Variants in ADK observed in about 807,000 individuals in gnomAD.
ADK encodes the protein adenosine kinase.
ADK carries 24 observed loss-of-function variants against 44.7 expected under a neutral mutation model. The ratio of observed to expected loss-of-function variants is 0.54; its 90% CI spans 0.39 to 0.76. ADK has a LOEUF of 0.76. Among genes scored for constraint, ADK ranks in the 30% least tolerant of loss-of-function variants. The pLI is 0.00. For missense variants in ADK, 321 were observed against 425.1 expected (o/e 0.76, Z 2.15); for synonymous variants, 128 against 142.6 (o/e 0.90, Z 0.73).
chr10:74,260,901 G>A (rs1846014533), intron 3 of ADK, among the ~76,000 whole-genome samples: 1 of 152,180 alleles, frequency 6.6e-6, no homozygotes, highest in Non-Finnish European at 1.5e-5. Flanking sequence ...TTCTCCAGAA[G>A]CGGCAACTTA....
At chr10:74,305,178 A>G (rs893543948) in intron 3 of ADK, among the ~76,000 whole-genome samples, 2 of 152,202 alleles carry the variant, frequency 1.3e-5, no homozygotes, top group African/African-American at 4.8e-5. Flanking sequence ...TGTTCAGTAC[A>G]TATTTTTCCA....
intron 1 of ADK, among the ~76,000 whole-genome samples, chr10:74,200,537 T>C (rs973805042): frequency 5.9e-5 from 9 of 151,960 alleles, no homozygotes; most frequent in Admixed American, 3.9e-4. Flanking sequence ...TGGTGTCTCA[T>C]TGTAGTTTTG....
chr10:74,461,871 A>G (rs928394225), intron 6 of ADK, among the ~76,000 whole-genome samples: 12 of 152,026 alleles, frequency 7.9e-5, no homozygotes, highest in African/African-American at 2.9e-4. Context: ...GTGCTATGTT[A>G]TGGCCAGTTA....
chr10:74,401,235 C>T (rs1264583126), intron 6 of ADK, among the ~76,000 whole-genome samples: 1 of 152,104 alleles, frequency 6.6e-6, no homozygotes, highest in African/African-American at 2.4e-5. Flanking sequence ...TGTTTTTTCT[C>T]ACTTAAGAAA....
At chr10:74,246,534 G>T (rs1845422232) in intron 3 of ADK, among the ~76,000 whole-genome samples, 1 of 152,126 alleles carries the variant, frequency 6.6e-6, no homozygotes, top group Non-Finnish European at 1.5e-5. Context: ...TAGAAAGACT[G>T]GTTAATATCA....
In ADK at chr10:74,505,328, C is replaced by A. The variant is rs553784874; in HGVS notation, c.556-19928C>A. On this transcript the variant is annotated intron_variant, in intron 6 of 10. Transcript: ENST00000539909. ...AGTCTTTTGAATAACTGGAATCATT[C>A]TGTTATATGGTCTAATATGAATTTG... 2.0e-5 allele frequency among the ~76,000 whole-genome samples: 3 copies of A among 152,228 alleles called. No individual in the cohort carries two copies. The South Asian group carries it at 6.3e-4, about 32-fold the overall frequency.
At chr10:74,553,808 A>G (rs1564789002) in intron 7 of ADK, among the ~76,000 whole-genome samples, 1 of 152,144 alleles carries the variant, frequency 6.6e-6, no homozygotes, top group Non-Finnish European at 1.5e-5. Context: ...ATCGTATTTT[A>G]TGTGATCATA....
intron 3 of ADK, among the ~76,000 whole-genome samples, chr10:74,272,606 A>G (rs1457850741): frequency 6.6e-6 from 1 of 152,196 alleles, no homozygotes; most frequent in Non-Finnish European, 1.5e-5. Flanking sequence ...TTATAAATTA[A>G]AGGATAGTAT....
rs981399176 is a variant in ADK at position 74,371,924 on chromosome 10, CCA to C, written c.274-22215_274-22214del. On this transcript the variant is annotated intron_variant, in intron 4 of 10. Transcript: ENST00000539909. ...TTGTGGTTACTGACCCCAGGGCTGA[CCA>C]CCAGCCTCTCACAGAGGCATCTTAC... The C allele has an allele frequency of 3.5e-6, 5 of 1,410,706 alleles. No homozygotes were observed. The African/African-American group carries it at 7.0e-5, about 20-fold the overall frequency. The allele number at this position is 1,410,706 out of a possible 1,614,324, so 87.4% of individuals were successfully genotyped here. A position where few individuals can be genotyped will look rare whatever the true frequency, so the allele number is the denominator to read the frequency against.
intron 7 of ADK, among the ~76,000 whole-genome samples, chr10:74,538,339 G>C (rs1193563933): frequency 2.0e-5 from 3 of 151,732 alleles, no homozygotes; most frequent in Non-Finnish European, 2.9e-5. Context: ...TTTTCTTATA[G>C]GAAAGCCATT....
chr10:74,473,238 T>C (rs10824190), intron 6 of ADK, among the ~76,000 whole-genome samples: 91,707 of 151,832 alleles, frequency 0.6, 30,150 homozygotes, highest in Middle Eastern at 0.78. Flanking sequence ...AGAGCCACTG[T>C]GCCTGGCCTA....
chr10:74,164,861 C>T (rs1387150922), intron 1 of ADK, among the ~76,000 whole-genome samples: 1 of 152,154 alleles, frequency 6.6e-6, no homozygotes, highest in Non-Finnish European at 1.5e-5. Context: ...CCTGAGAAGA[C>T]GTGTTAGTTT....
chr10:74,199,798 G>T (rs1046672435), intron 1 of ADK, among the ~76,000 whole-genome samples: 15 of 152,160 alleles, frequency 9.9e-5, no homozygotes, highest in Non-Finnish European at 2.9e-5. Context: ...TCCTGCATCA[G>T]CCTCCTGAGT....
At chr10:74,347,882 C>T (rs571619978) in intron 4 of ADK, among the ~76,000 whole-genome samples, 1 of 152,256 alleles carries the variant, frequency 6.6e-6, no homozygotes, top group African/African-American at 2.4e-5. Flanking sequence ...CCTCACTGGA[C>T]AGGGTATTTG....
chr10:74,378,329 T>C (rs191724845), intron 4 of ADK, among the ~76,000 whole-genome samples: 47 of 152,306 alleles, frequency 3.1e-4, no homozygotes, highest in African/African-American at 1.1e-3. Context: ...ATATTGTGCT[T>C]TCCCTTTTTT....
chr10:74,366,370 G>T (rs1242778174), intron 4 of ADK, among the ~76,000 whole-genome samples: 1 of 152,112 alleles, frequency 6.6e-6, no homozygotes, highest in Non-Finnish European at 1.5e-5. Context: ...TGCCAATTAA[G>T]TAGCCTTCAT....
intron 2 of ADK, among the ~76,000 whole-genome samples, chr10:74,213,111 C>T (rs920580880): frequency 6.6e-6 from 1 of 152,010 alleles, no homozygotes; most frequent in Non-Finnish European, 1.5e-5. Context: ...CATGGCTGGA[C>T]TCCTTTTGTT....
intron 10 of ADK, among the ~76,000 whole-genome samples, chr10:74,688,637 A>G (rs901409764): frequency 4.6e-5 from 7 of 152,232 alleles, no homozygotes; most frequent in Non-Finnish European, 8.8e-5. Context: ...ACGCTAGGCC[A>G]GGTGCAGTGG....
chr10:74,341,527 CAAAAA>C (rs35233016), intron 4 of ADK, among the ~76,000 whole-genome samples: 2 of 61,574 alleles, frequency 3.2e-5, no homozygotes, highest in African/African-American at 5.2e-5. Context: ...GACTCCGTCT[CAAAAA>C]AAAAAAAAAA....
Sources: gnomAD v4.1 joint callset for allele counts (sites outside exome capture counted in the v4.1 genomes callset) on GRCh38, gnomAD v4.1.1 for gene constraint, MANE v1.5 for transcripts, NCBI Gene and HGNC (gene_info 2026-07-23, HGNC 2026-07-21) for gene names.